TRAF2: variants seen among roughly 807,000 people sequenced by gnomAD.
TRAF2 encodes TNF receptor associated factor 2, also known as TNF receptor-associated factor 2.
A neutral mutation model predicts 55.6 loss-of-function variants in TRAF2; 6 were observed. The observed-to-expected ratio is 0.11, with a 90% confidence interval of 0.06 to 0.21. TRAF2 has a LOEUF of 0.21. Among genes scored for constraint, TRAF2 ranks in the 10% least tolerant of loss-of-function variants. The pLI is 1.00. For missense variants in TRAF2, 561 were observed against 684.5 expected (o/e 0.82, Z 2.01); for synonymous variants, 329 against 276.3 (o/e 1.19, Z -1.89).
In TRAF2 at chr9:136,909,858, C is replaced by T. The variant is rs778327592; in HGVS notation, c.529-62C>T. 3.7e-5 allele frequency: 58 copies of T among 1,563,104 alleles called. No individual in the cohort carries two copies. In the African/African-American group the frequency reaches 3.8e-4, roughly 10 times the overall value. ...GCTGCCCAGCCTGAGCACTGTGTGC[C>T]GCCCTCCACCCGCGCCTGGCATTGG... On this transcript the variant is annotated intron_variant, in intron 5 of 10. Transcript: ENST00000247668.
At chr9:136,905,872 A>G (rs1296698608) in intron 4 of TRAF2, among the ~76,000 whole-genome samples, 1 of 152,336 alleles carries the variant, frequency 6.6e-6, no homozygotes, top group East Asian at 1.9e-4. Context: ...TGGGAGGCCA[A>G]GGCAGGTGAA....
intron 7 of TRAF2, among the ~76,000 whole-genome samples, chr9:136,917,814 G>A (rs1362971774): frequency 6.6e-6 from 1 of 152,148 alleles, no homozygotes; most frequent in African/African-American, 2.4e-5. Context: ...CTGCTCTGAC[G>A]TGGCATCTGC....
In TRAF2 at chr9:136,905,202, G is replaced by A. The variant is rs115196770; in HGVS notation, c.367-2868G>A. 8.1e-3 allele frequency among the ~76,000 whole-genome samples: 1,231 copies of A among 152,326 alleles called. 14 individuals are homozygous for A. Among genetic ancestry groups the A allele is most frequent in the African/African-American group, 0.027 (1,138 of 41,566 alleles). On this transcript the variant is annotated intron_variant, in intron 4 of 10. Transcript: ENST00000247668. ...CACTCCCCACCCCATGAAGGGCCCC[G>A]CAGCCAGGTCCTCTGCTGCCCTGGC...
intron 6 of TRAF2, 142 bp from the exon 7 acceptor site, chr9:136,916,398 CT>C (rs1458268938): frequency 5.4e-6 from 4 of 745,314 alleles, no homozygotes; most frequent in Non-Finnish European, 9.4e-6. Context: ...TGGAAATGGG[CT>C]GTTGGGTTTC....
intron 4 of TRAF2, among the ~76,000 whole-genome samples, chr9:136,904,589 A>G (rs1436634643): frequency 6.6e-6 from 1 of 151,642 alleles, no homozygotes; most frequent in Non-Finnish European, 1.5e-5. Flanking sequence ...TTGTATTTTT[A>G]GTAGAGACGG....
chr9:136,910,582 T>A (rs534217441), intron 6 of TRAF2, among the ~76,000 whole-genome samples: 1 of 152,328 alleles, frequency 6.6e-6, no homozygotes, highest in African/African-American at 2.4e-5. Context: ...GTTGGAGGTG[T>A]GAGGGTAGCT....
Position 136,886,528 on chromosome 9 carries a change from G to C in TRAF2, c.-42G>C. ...TGGGCGGGCCCTTAGTTCCGGGCGC[G>C]CTGCGACCGTTGGGTGAGGCGAGCG... On this transcript the variant is annotated 5_prime_UTR_variant, in exon 1 of 11. Transcript: ENST00000247668. 1 of 988,492 alleles carries C rather than the reference G, an allele frequency of 1.0e-6. No individual in the cohort carries two copies. Among genetic ancestry groups the C allele is most frequent in the Non-Finnish European group, 1.2e-6 (1 of 831,896 alleles). The allele number at this position is 988,492 out of a possible 1,614,324, so 61.2% of individuals were successfully genotyped here. A position where few individuals can be genotyped will look rare whatever the true frequency, so the allele number is the denominator to read the frequency against.
At chr9:136,906,066 C>T (rs575452495) in intron 4 of TRAF2, among the ~76,000 whole-genome samples, 16 of 152,234 alleles carry the variant, frequency 1.1e-4, no homozygotes, top group African/African-American at 2.6e-4. Flanking sequence ...GAGCCGAGAT[C>T]GCGCCACTGC....
At chr9:136,882,138 G>A, upstream of TRAF2, 4 of 760,206 alleles carry the variant, frequency 5.3e-6, no homozygotes, top group Non-Finnish European at 6.4e-6. Context: ...CCATGTGCAA[G>A]CTGGGCTCTG....
At chr9:136,923,807 C>T (rs754885782) in intron 9 of TRAF2, 45 bp from the exon 10 acceptor site, 2 of 1,602,540 alleles carry the variant, frequency 1.2e-6, no homozygotes, top group East Asian at 2.2e-5. Context: ...CCTGCCCCGC[C>T]CTTGCTGAGT....
intron 6 of TRAF2, among the ~76,000 whole-genome samples, chr9:136,915,679 GAC>G (rs1322227245): frequency 6.6e-6 from 1 of 152,140 alleles, no homozygotes; most frequent in East Asian, 1.9e-4. Flanking sequence ...GGTGGCAAGG[GAC>G]AGCAGAGCCT....
At chr9:136,883,995 T>C (rs144172306), upstream of TRAF2, among the ~76,000 whole-genome samples, 1,531 of 151,972 alleles carry the variant, frequency 0.01, 27 homozygotes, top group African/African-American at 0.036. Context: ...CAGCTAATTT[T>C]TGTACTTTTA....
intron 1 of TRAF2, among the ~76,000 whole-genome samples, chr9:136,888,693 C>T (rs1849508414): frequency 6.6e-6 from 1 of 152,218 alleles, no homozygotes; most frequent in Admixed American, 6.5e-5. Context: ...AACAATACAG[C>T]TTGTCCTTTT....
chr9:136,905,777 G>T (rs962552378), intron 4 of TRAF2, among the ~76,000 whole-genome samples: 5 of 152,086 alleles, frequency 3.3e-5, no homozygotes, highest in Non-Finnish European at 7.4e-5. Flanking sequence ...TGGGCAGATT[G>T]CTTGAGCTCA....
Position 136,898,764 on chromosome 9 carries a change from C to T in TRAF2, c.24C>T (p.Pro8=), listed in dbSNP as rs1272804879. The change falls in exon 2 of 11, where the codon CCC becomes CCT. Residue 8 remains proline (P), a synonymous_variant. Transcript: ENST00000247668. ...TCATGGCTGCAGCTAGCGTGACCCC[C>T]CCTGGCTCCCTGGAGTTGCTACAGC... is the stretch of plus-strand genomic sequence containing the variant. MAAASVT[P]PGSLELLQPG... The T allele has an allele frequency of 1.2e-6, 2 of 1,613,652 alleles. No homozygotes were observed. Among genetic ancestry groups the T allele is most frequent in the Non-Finnish European group, 1.7e-6 (2 of 1,180,032 alleles).
upstream of TRAF2, chr9:136,886,487 C>G: frequency 1.0e-6 from 1 of 1,003,056 alleles, no homozygotes; most frequent in Non-Finnish European, 1.2e-6. Context: ...GCGGCGGCGG[C>G]GTTGGGGGCG....
chr9:136,884,878 G>A (rs941130312), upstream of TRAF2, among the ~76,000 whole-genome samples: 2 of 152,222 alleles, frequency 1.3e-5, no homozygotes, highest in South Asian at 4.1e-4. Context: ...ATCCCGAGCT[G>A]GCTGCTGCAG....
intron 7 of TRAF2, 129 bp downstream of exon 7, chr9:136,916,744 GC>G: frequency 1.1e-6 from 1 of 888,048 alleles, no homozygotes; most frequent in Non-Finnish European, 1.8e-6. Context: ...GCCTCCTCCT[GC>G]CCCGGCTGTC....
intron 9 of TRAF2, 40 bp downstream of exon 9, chr9:136,921,255 T>C: frequency 6.2e-7 from 1 of 1,609,608 alleles, no homozygotes; most frequent in Non-Finnish European, 8.5e-7. Context: ...AGCTGCTGTT[T>C]ACTTGGCACC....
Sources: allele counts gnomAD v4.1 joint callset (sites outside exome capture counted in the v4.1 genomes callset), GRCh38; gene constraint gnomAD v4.1.1; transcripts MANE v1.5; gene names NCBI Gene and HGNC (gene_info 2026-07-23, HGNC 2026-07-21).